Variants in CNTNAP5 observed in about 807,000 individuals in gnomAD.
The protein encoded by CNTNAP5 is contactin-associated protein-like 5.
Under a neutral mutation model 150.2 loss-of-function variants are expected in CNTNAP5, and 72 were observed. That is an observed-to-expected ratio of 0.48 (90% confidence interval 0.40 to 0.58). The LOEUF (loss-of-function observed/expected upper bound fraction) is 0.58. Ranked by LOEUF, CNTNAP5 falls within the 20% of genes least tolerant of loss-of-function variation. CNTNAP5 has a pLI of 0.00. For synonymous variants in CNTNAP5, 672 were observed against 619.8 expected (o/e 1.08, Z -1.25); for missense variants, 1,636 against 1,626.2 (o/e 1.01, Z -0.10).
intron 8 of CNTNAP5, 56 bp from the exon 9 acceptor site, chr2:124,524,247 T>C (rs2104886679): frequency 1.3e-6 from 2 of 1,583,190 alleles, no homozygotes; most frequent in South Asian, 1.1e-5. Flanking sequence ...GAGCCCCCTC[T>C]CTCTAAGTCT....
intron 13 of CNTNAP5, among the ~76,000 whole-genome samples, chr2:124,666,172 A>G (rs1303663917): frequency 2.0e-5 from 3 of 152,154 alleles, no homozygotes; most frequent in Admixed American, 6.5e-5. Flanking sequence ...TTACAGGCAA[A>G]CACACATATC....
intron 10 of CNTNAP5, among the ~76,000 whole-genome samples, chr2:124,534,635 G>A (rs149379201): frequency 5.3e-5 from 8 of 152,288 alleles, no homozygotes; most frequent in African/African-American, 1.9e-4. Context: ...AGCATTTTGG[G>A]AGGCCAAGGC....
intron 4 of CNTNAP5, 33 bp downstream of exon 4, chr2:124,417,623 G>T (rs1160918219): frequency 1.9e-6 from 3 of 1,592,262 alleles, no homozygotes; most frequent in Non-Finnish European, 1.7e-6. Flanking sequence ...TACCATTGCT[G>T]AGTGTGAGTG....
At chr2:124,483,017 A>G (rs1042228552) in intron 7 of CNTNAP5, among the ~76,000 whole-genome samples, 3 of 152,120 alleles carry the variant, frequency 2.0e-5, no homozygotes, top group African/African-American at 7.2e-5. Flanking sequence ...TGTTTCTGGA[A>G]TTCACTCCTT....
intron 13 of CNTNAP5, among the ~76,000 whole-genome samples, chr2:124,684,057 C>A (rs1679129974): frequency 6.6e-6 from 1 of 152,058 alleles, no homozygotes; most frequent in Non-Finnish European, 1.5e-5. Context: ...AGACCATTTG[C>A]AAAATTAATA....
intron 6 of CNTNAP5, among the ~76,000 whole-genome samples, chr2:124,469,246 G>A (rs558083687): frequency 6.6e-6 from 1 of 152,188 alleles, no homozygotes; most frequent in East Asian, 1.9e-4. Context: ...TATACTACCT[G>A]ACTGGAAAAA....
At chr2:124,253,157 T>A (rs6729514) in intron 3 of CNTNAP5, among the ~76,000 whole-genome samples, 57,752 of 151,680 alleles carry the variant, frequency 0.38, 12,100 homozygotes, top group African/African-American at 0.55. Flanking sequence ...AAAATCAATT[T>A]TTTTCTCATT....
intron 19 of CNTNAP5, among the ~76,000 whole-genome samples, chr2:124,849,284 C>A (rs868081713): frequency 1.8e-4 from 27 of 152,228 alleles, no homozygotes; most frequent in African/African-American, 6.3e-4. Flanking sequence ...TAGTTGATCA[C>A]AAATGTATAG....
chr2:124,044,846 G>A (rs1489449535), intron 1 of CNTNAP5, among the ~76,000 whole-genome samples: 1 of 149,546 alleles, frequency 6.7e-6, no homozygotes, highest in East Asian at 2.0e-4. Flanking sequence ...AATTGTAGCT[G>A]TAATCCCAAC....
rs116484837 is a variant in CNTNAP5, at chr2:124,253,482, T to C, written c.381+11089T>C. Among the ~76,000 whole-genome samples, 865 of 152,316 alleles carry C rather than the reference T, an allele frequency of 5.7e-3. 7 individuals are homozygous for C. The highest frequency in any genetic ancestry group is 0.02 in the African/African-American group (825 of 41,586). ...GAAGATTTTTGTTCCACTACCTCCT[T>C]GGCAGGTATGCCAGCTGCCTTACTT... On this transcript the variant is annotated intron_variant, in intron 3 of 23. Coordinates refer to ENST00000682447, the MANE Select transcript of CNTNAP5 (RefSeq NM_001367498.1).
chr2:124,781,023 G>A (rs1203440627), intron 17 of CNTNAP5, among the ~76,000 whole-genome samples: 1 of 152,204 alleles, frequency 6.6e-6, no homozygotes, highest in Non-Finnish European at 1.5e-5. Flanking sequence ...TGCTTCGGTG[G>A]AGTTTGGAGC....
chr2:124,870,536 A>G (rs941274050), intron 21 of CNTNAP5, among the ~76,000 whole-genome samples: 2 of 151,960 alleles, frequency 1.3e-5, no homozygotes, highest in African/African-American at 2.4e-5. Context: ...TTGTGGGGCT[A>G]CTTGTAAAGT....
intron 6 of CNTNAP5, among the ~76,000 whole-genome samples, chr2:124,473,905 C>T (rs532118124): frequency 6.6e-6 from 1 of 152,106 alleles, no homozygotes; most frequent in African/African-American, 2.4e-5. Context: ...AAGAAAACCG[C>T]TAGTATCTCA....
At position 124,541,314 on chromosome 2, in the gene CNTNAP5, C is replaced by T. The variant is rs148924341; in HGVS notation, c.1649+13858C>T. 6.0e-3 allele frequency among the ~76,000 whole-genome samples: 902 copies of T among 150,834 alleles called. 1 individual carries two copies. The highest frequency in any genetic ancestry group is 0.028 in the Middle Eastern group (8 of 290). ...ATTAATACCACTTTCTTACTCTCCT[C>T]CCACCACCTCCCATCCCTTCCCTGG... is the stretch of plus-strand genomic sequence containing the variant. On this transcript the variant is annotated intron_variant, in intron 10 of 23. Coordinates refer to ENST00000682447, the MANE Select transcript of CNTNAP5 (RefSeq NM_001367498.1).
intron 11 of CNTNAP5, among the ~76,000 whole-genome samples, chr2:124,564,438 C>T (rs978049497): frequency 6.6e-6 from 1 of 152,154 alleles, no homozygotes; most frequent in Non-Finnish European, 1.5e-5. Flanking sequence ...TCACTGGAAC[C>T]TCCGCCTCCT....
At chr2:124,294,475 A>T (rs566116009) in intron 3 of CNTNAP5, among the ~76,000 whole-genome samples, 2 of 152,156 alleles carry the variant, frequency 1.3e-5, no homozygotes, top group Non-Finnish European at 2.9e-5. Flanking sequence ...CTTTAGTACC[A>T]GAGGAGAAGA....
chr2:124,798,257 A>G lies in CNTNAP5; in HGVS notation c.3154A>G (p.Ser1052Gly). ...TAGCTTTGTGACAACCCAGGCACCC[A>G]GTCTTTTGCTCTTTATCAATTCTTC... ...ALSFVTTQAP[S>G]LLLFINSSSQ... The change falls in exon 19 of 24, where the codon AGT becomes GGT. Residue 1052 changes from serine to glycine, a missense_variant. Transcript: ENST00000682447. 1.2e-6 allele frequency: 2 copies of G among 1,613,920 alleles called. No homozygotes were observed. Among genetic ancestry groups the G allele is most frequent in the South Asian group, 2.2e-5 (2 of 91,080 alleles).
intron 10 of CNTNAP5, among the ~76,000 whole-genome samples, chr2:124,548,718 A>G (rs1573451675): frequency 1.3e-5 from 2 of 152,218 alleles, no homozygotes; most frequent in East Asian, 1.9e-4. Flanking sequence ...TGCAAGTATA[A>G]GTGACAAAAA....
intron 1 of CNTNAP5, among the ~76,000 whole-genome samples, chr2:124,098,092 A>G (rs534935631): frequency 1.0e-3 from 155 of 152,342 alleles, no homozygotes; most frequent in African/African-American, 3.7e-3. Context: ...CTTAACTACT[A>G]TTAATAATAG....
Sources: allele counts gnomAD v4.1 joint callset (sites outside exome capture counted in the v4.1 genomes callset), GRCh38; gene constraint gnomAD v4.1.1; transcripts MANE v1.5; gene names NCBI Gene and HGNC (gene_info 2026-07-23, HGNC 2026-07-21).